The following CRY2 variants were observed in gnomAD, a reference collection of about 807,000 sequenced individuals.
The protein encoded by CRY2 is cryptochrome-2.
A neutral mutation model predicts 69.5 loss-of-function variants in CRY2; 31 were observed. That is an observed-to-expected ratio of 0.45 (90% CI 0.34 to 0.60). The LOEUF is 0.60. Among genes scored for constraint, CRY2 ranks in the 20% least tolerant of loss-of-function variants. CRY2 has a pLI of 0.02. For missense variants in CRY2, 606 were observed against 797.8 expected (o/e 0.76, Z 2.90); for synonymous variants, 303 against 312.2 (o/e 0.97, Z 0.31).
upstream of CRY2, chr11:45,847,462 C>A (rs3747548): frequency 3.2e-3 from 5,088 of 1,596,242 alleles, 143 homozygotes; most frequent in Admixed American, 0.054. Context: ...CGGGGCGGAG[C>A]GGGGGTGGCT....
intron 6 of CRY2, among the ~76,000 whole-genome samples, chr11:45,868,696 T>C (rs2086350991): frequency 6.6e-6 from 1 of 152,206 alleles, no homozygotes; most frequent in Admixed American, 6.5e-5. Flanking sequence ...TACAGTGGTA[T>C]GATCACAGCT....
At position 45,882,375 on chromosome 11, in the gene CRY2, T is replaced by C. The variant is rs1294234024; in HGVS notation, c.*1464T>C. 4 of 369,172 alleles carry C rather than the reference T, an allele frequency of 1.1e-5. No individual in the cohort carries two copies. The highest frequency in any genetic ancestry group is 1.9e-5 in the Non-Finnish European group (4 of 207,980). The allele number at this position is 369,172 out of a possible 1,614,324, so 22.9% of individuals were successfully genotyped here. A position where few individuals can be genotyped will look rare whatever the true frequency, so the allele number is the denominator to read the frequency against. ...ATCATTAAGCTGGCCTTTGGGCCTTTTCCTTTCTACCTCCCCTGTGACCTT... is the reference window on the plus strand; with the variant it reads ...ATCATTAAGCTGGCCTTTGGGCCTTCTCCTTTCTACCTCCCCTGTGACCTT... On this transcript the variant is annotated 3_prime_UTR_variant, in exon 12 of 12. Transcript: ENST00000616080.
At chr11:45,860,778 T>G in intron 3 of CRY2, 70 bp from the exon 4 acceptor site, 2 of 1,544,202 alleles carry the variant, frequency 1.3e-6, no homozygotes, top group South Asian at 2.4e-5. Flanking sequence ...TCTGGGTTCT[T>G]TTTTGGGTGG....
chr11:45,869,656 G>A lies in CRY2; in HGVS notation c.1033G>A (p.Ala345Thr). 6.2e-7 allele frequency: 1 copy of A among 1,614,268 alleles called. No homozygotes were observed. Residue 345 changes from alanine (A) to threonine (T), a missense_variant, in exon 7 of 12, where the codon GCC becomes ACC. By Grantham distance (58) the Ala-to-Thr change is moderately conservative (BLOSUM62 0). This residue lies in a region of CRY2 where 382 missense variants were observed against 508.9 expected (regional missense o/e 0.75). Coordinates refer to ENST00000616080, the MANE Select transcript of CRY2 (RefSeq NM_021117.5). Reference protein sequence around the residue: ...IQIPWDRNPEALAKWAEGKTG... With the variant: ...IQIPWDRNPETLAKWAEGKTG... ...GATCCCCTGGGACCGCAATCCTGAG[G>A]CCCTGGCCAAGTGGGCTGAGGGCAA...
At chr11:45,869,433 A>G (rs1391191658) in intron 6 of CRY2, 73 bp from the exon 7 acceptor site, 16 of 1,482,302 alleles carry the variant, frequency 1.1e-5, no homozygotes, top group Non-Finnish European at 1.4e-5. Flanking sequence ...ATTCCTTTGT[A>G]GAAGAGACCT....
At chr11:45,879,223 C>CT (rs2086449375) in intron 11 of CRY2, among the ~76,000 whole-genome samples, 1 of 150,704 alleles carries the variant, frequency 6.6e-6, no homozygotes, top group Admixed American at 6.6e-5. Flanking sequence ...GAGTGAAACT[C>CT]TGTCTCAAAA....
intron 5 of CRY2, among the ~76,000 whole-genome samples, chr11:45,864,274 A>G (rs538184836): frequency 2.6e-5 from 4 of 152,382 alleles, no homozygotes; most frequent in South Asian, 2.1e-4. Flanking sequence ...TGGAAAGGAA[A>G]AGAAAAAAAT....
In CRY2 at chr11:45,856,045, T is replaced by A; in HGVS notation, c.279T>A (p.Phe93Leu). Residue 93 changes from phenylalanine (F) to leucine (L), a missense_variant, in exon 2 of 12, where the codon TTT becomes TTA. Transcript: ENST00000616080. Reference sequence around the variant, plus strand: ...TAAGGAAACTGAACTCCCGCCTGTTTGTAGTCCGGGGACAGCCAGCCGACG... The same window carrying A: ...TAAGGAAACTGAACTCCCGCCTGTTAGTAGTCCGGGGACAGCCAGCCGACG... ...TSLRKLNSRL[F>L]VVRGQPADVF... 1 of 1,614,200 alleles carries A rather than the reference T, an allele frequency of 6.2e-7. No homozygotes were observed. The highest frequency in any genetic ancestry group is 8.5e-7 in the Non-Finnish European group (1 of 1,180,038).
intron 11 of CRY2, among the ~76,000 whole-genome samples, chr11:45,875,173 A>G (rs1023621369): frequency 6.6e-5 from 10 of 152,224 alleles, no homozygotes; most frequent in African/African-American, 2.4e-4. Context: ...AAGTGTGGAT[A>G]CTGGTAGACA....
intron 3 of CRY2, among the ~76,000 whole-genome samples, chr11:45,860,385 T>TTA (rs1431202255): frequency 1.2e-5 from 1 of 82,184 alleles, no homozygotes; most frequent in Non-Finnish European, 2.7e-5. Context: ...GATGTTAGAG[T>TTA]TAAAAAAAAA....
chr11:45,864,741 G>A (rs2086315959), intron 5 of CRY2, among the ~76,000 whole-genome samples: 1 of 152,082 alleles, frequency 6.6e-6, no homozygotes, highest in African/African-American at 2.4e-5. Flanking sequence ...GGTGGCGAGT[G>A]CCTGTAATCC....
rs979343941 is a variant in CRY2 at position 45,860,911 on chromosome 11, C to A, written c.531C>A (p.Ser177Arg). Reference sequence around the variant, plus strand: ...ACAAGCGCTTTCAGGCCATCATCAGCCGCATGGAGCTGCCCAAGAAGCCAG... The same window carrying A: ...ACAAGCGCTTTCAGGCCATCATCAGACGCATGGAGCTGCCCAAGAAGCCAG... ...LTYKRFQAII[S>R]RMELPKKPVG... Residue 177 changes from serine to arginine, a missense_variant, in exon 4 of 12, where the codon AGC becomes AGA. By Grantham distance (110) the Ser-to-Arg change is moderately radical. Coordinates refer to ENST00000616080, the MANE Select transcript of CRY2 (RefSeq NM_021117.5). The A allele has an allele frequency of 1.2e-6, 2 of 1,614,054 alleles. No individual in the cohort carries two copies. The highest frequency in any genetic ancestry group is 1.3e-5 in the African/African-American group (1 of 74,920).
Position 45,871,048 on chromosome 11 carries a change from G to A in CRY2, c.1642+114G>A, listed in dbSNP as rs186381941. The A allele has an allele frequency of 5.6e-4, 463 of 822,208 alleles. No homozygotes were observed. The African/African-American group carries it at 6.8e-3, about 12-fold the overall frequency. The allele number at this position is 822,208 out of a possible 1,614,324, so 50.9% of individuals were successfully genotyped here. On this transcript the variant is annotated intron_variant, in intron 10 of 11. Transcript: ENST00000616080. ...CCCAGTGGAGCTTATATTCCACCTG[G>A]GGCAGTCAGATAGTAAAGAAACCAA...
At chr11:45,858,921 A>G (rs779818929) in intron 3 of CRY2, 48 bp downstream of exon 3, 1 of 1,594,304 alleles carries the variant, frequency 6.3e-7, no homozygotes, top group Non-Finnish European at 8.5e-7. Flanking sequence ...GAGAGTTAGT[A>G]ATTTGGGCCC....
rs1388485485 is a variant in CRY2 at position 45,882,785 on chromosome 11, G to A, written c.*1874G>A. The A allele has an allele frequency of 7.5e-6, 3 of 398,616 alleles. No homozygotes were observed. The highest frequency in any genetic ancestry group is 4.4e-6 in the Non-Finnish European group (1 of 226,064). 24.7% of individuals were successfully genotyped at this position (398,616 alleles called of 1,614,324 possible). A position where few individuals can be genotyped will look rare whatever the true frequency, so the allele number is the denominator to read the frequency against. The stretch of plus-strand genomic sequence containing the variant: ...TCTGAGAGTGGGAAGGCCAAAGGCC[G>A]AGGCCCAGATTTAGTATTCACTAGC... On this transcript the variant is annotated 3_prime_UTR_variant, in exon 12 of 12. Transcript: ENST00000616080.
At position 45,861,024 on chromosome 11, in the gene CRY2, A is replaced by T; in HGVS notation, c.644A>T (p.Glu215Val). Residue 215 changes from glutamate to valine, a missense_variant, in exon 4 of 12, where the codon GAG becomes GTG. Physicochemically the swap from Glu to Val is moderately radical, Grantham distance 121. Transcript: ENST00000616080. The stretch of plus-strand genomic sequence containing the variant: ...GAGACCTACGGCGTGCCCTCCCTGG[A>T]GGAGCTGGGTGCGTACTTCCTGCCC... ...HDETYGVPSL[E>V]ELGFPTEGLG... 2 of 1,612,344 alleles carry T rather than the reference A, an allele frequency of 1.2e-6. No individual in the cohort carries two copies. Among genetic ancestry groups the T allele is most frequent in the Non-Finnish European group, 1.7e-6 (2 of 1,179,620 alleles).
intron 5 of CRY2, among the ~76,000 whole-genome samples, chr11:45,865,387 A>G (rs1468168032): frequency 6.6e-6 from 1 of 151,966 alleles, no homozygotes; most frequent in Non-Finnish European, 1.5e-5. Context: ...AGAATAATTC[A>G]TTAAGTCACA....
intron 9 of CRY2, 85 bp downstream of exon 9, chr11:45,870,617 C>G (rs1247701607): frequency 1.6e-5 from 24 of 1,485,784 alleles, no homozygotes; most frequent in Non-Finnish European, 1.6e-5. Flanking sequence ...CAGATACTTG[C>G]AAAGGGAGAC....
chr11:45,858,914 A>C, intron 3 of CRY2, 41 bp downstream of exon 3: 1 of 1,599,168 alleles, frequency 6.3e-7, no homozygotes, highest in Non-Finnish European at 8.5e-7. Context: ...CAATTGTGAG[A>C]GTTAGTAATT....
Sources: allele counts gnomAD v4.1 joint callset (sites outside exome capture counted in the v4.1 genomes callset), GRCh38; gene constraint gnomAD v4.1.1; regional missense constraint gnomAD v4.1.1; transcripts MANE v1.5; gene names NCBI Gene and HGNC (gene_info 2026-07-23, HGNC 2026-07-21).